SNX7: variants seen among roughly 807,000 people sequenced by gnomAD.
The protein encoded by SNX7 is sorting nexin-7.
Under a neutral mutation model 48.4 loss-of-function variants are expected in SNX7, and 35 were observed. The ratio of observed to expected loss-of-function variants is 0.72; its 90% CI spans 0.55 to 0.96. SNX7 has a LOEUF of 0.96. Ranked by LOEUF, SNX7 falls within the 40% of genes least tolerant of loss-of-function variation. SNX7 has a pLI of 0.00. For missense variants in SNX7, 553 were observed against 548.9 expected (o/e 1.01, Z -0.07); for synonymous variants, 190 against 190.2 (o/e 1.00, Z 0.01).
chr1:98,755,884 A>G (rs1052528842), intron 8 of SNX7, among the ~76,000 whole-genome samples: 3 of 152,054 alleles, frequency 2.0e-5, no homozygotes. Flanking sequence ...GGCAATCTGC[A>G]TCTTTTAATG....
chr1:98,681,119 A>G (rs2100932372), intron 1 of SNX7, among the ~76,000 whole-genome samples: 1 of 152,328 alleles, frequency 6.6e-6, no homozygotes, highest in South Asian at 2.1e-4. Flanking sequence ...AGCAAGGAGG[A>G]GTAAGTCACA....
At chr1:98,743,236 G>A (rs951426426) in intron 8 of SNX7, among the ~76,000 whole-genome samples, 1 of 151,870 alleles carries the variant, frequency 6.6e-6, no homozygotes, top group East Asian at 1.9e-4. Flanking sequence ...GGGGAGAGGT[G>A]ATCCAAATTC....
intron 1 of SNX7, among the ~76,000 whole-genome samples, chr1:98,664,078 A>G (rs535701959): frequency 2.0e-4 from 30 of 152,202 alleles, no homozygotes; most frequent in African/African-American, 6.7e-4. Flanking sequence ...AACAAACACC[A>G]CTGCTGTTCA....
rs143738586 is a variant in SNX7, at chr1:98,691,914, T to TATAC, written c.639+216_639+217insTACA. On this transcript the variant is annotated intron_variant, in intron 4 of 8. Coordinates refer to ENST00000306121, the MANE Select transcript of SNX7 (RefSeq NM_015976.5). ...AAATCTTGTATCTTCTCCATATATA[T>TATAC]ACACACACACACACACACACACACT... 4.0e-3 allele frequency among the ~76,000 whole-genome samples: 532 copies of TATAC among 133,454 alleles called. 3 individuals carry two copies. Among genetic ancestry groups the TATAC allele is most frequent in the Non-Finnish European group, 5.8e-3 (363 of 62,942 alleles). The allele number at this position is 133,454 out of a possible 152,430, so 87.6% of individuals were successfully genotyped here. A position where few individuals can be genotyped will look rare whatever the true frequency, so the allele number is the denominator to read the frequency against.
At chr1:98,684,050 C>T (rs1650648620) in intron 1 of SNX7, among the ~76,000 whole-genome samples, 1 of 152,138 alleles carries the variant, frequency 6.6e-6, no homozygotes, top group South Asian at 2.1e-4. Context: ...TTCTGCTCTG[C>T]CACAACCTTT....
At chr1:98,682,581 T>C (rs868532457) in intron 1 of SNX7, among the ~76,000 whole-genome samples, 17 of 152,192 alleles carry the variant, frequency 1.1e-4, no homozygotes, top group African/African-American at 2.2e-4. Context: ...TCTCTCAAAA[T>C]TTTGAAGACA....
At chr1:98,673,394 G>C (rs1229581932) in intron 1 of SNX7, among the ~76,000 whole-genome samples, 3 of 152,156 alleles carry the variant, frequency 2.0e-5, no homozygotes, top group Admixed American at 2.0e-4. Flanking sequence ...CAGCTCTATG[G>C]AAAGCATTCT....
intron 7 of SNX7, among the ~76,000 whole-genome samples, chr1:98,719,935 T>C (rs1652777157): frequency 6.7e-6 from 1 of 149,922 alleles, no homozygotes; most frequent in Non-Finnish European, 1.5e-5. Context: ...ATATTATATA[T>C]ATTATTCAAC....
chr1:98,731,240 GA>G (rs1334326026), intron 7 of SNX7, among the ~76,000 whole-genome samples: 7 of 150,218 alleles, frequency 4.7e-5, no homozygotes, highest in African/African-American at 1.7e-4. Flanking sequence ...AAAAGTATAA[GA>G]ATACTGTTTT....
chr1:98,742,507 G>A (rs1490875518), intron 8 of SNX7, among the ~76,000 whole-genome samples: 1 of 151,996 alleles, frequency 6.6e-6, no homozygotes, highest in Non-Finnish European at 1.5e-5. Context: ...TATGATAAAG[G>A]AATATAGTTT....
intron 7 of SNX7, among the ~76,000 whole-genome samples, chr1:98,724,704 C>T (rs1406204196): frequency 6.6e-6 from 1 of 151,886 alleles, no homozygotes; most frequent in Admixed American, 6.6e-5. Flanking sequence ...ACATGGGTGG[C>T]TCTTTCTTAG....
At chr1:98,730,195 G>T (rs1019743600) in intron 7 of SNX7, among the ~76,000 whole-genome samples, 1 of 151,744 alleles carries the variant, frequency 6.6e-6, no homozygotes, top group South Asian at 2.1e-4. Context: ...AAAGGCCTTC[G>T]ATAAAATTCA....
At chr1:98,688,466 C>T (rs1040104635) in intron 2 of SNX7, among the ~76,000 whole-genome samples, 1 of 152,162 alleles carries the variant, frequency 6.6e-6, no homozygotes, top group Non-Finnish European at 1.5e-5. Flanking sequence ...TACTTTCCTT[C>T]CACTTCCTCT....
chr1:98,728,876 CA>C (rs1653338062), intron 7 of SNX7, among the ~76,000 whole-genome samples: 2 of 152,078 alleles, frequency 1.3e-5, no homozygotes, highest in Admixed American at 1.3e-4. Flanking sequence ...TTCAGTATTA[CA>C]CAGATCATCA....
chr1:98,732,561 G>A (rs758225764), intron 7 of SNX7, among the ~76,000 whole-genome samples: 5 of 152,038 alleles, frequency 3.3e-5, no homozygotes, highest in African/African-American at 4.8e-5. Context: ...AGGAACAAAA[G>A]GAAAGGCAGC....
Position 98,715,430 on chromosome 1 carries a change from G to A in SNX7, c.1125+13527G>A, listed in dbSNP as rs544332179. 5.9e-5 allele frequency among the ~76,000 whole-genome samples: 9 copies of A among 152,220 alleles called. No individual in the cohort carries two copies. In the South Asian group the frequency reaches 6.2e-4, roughly 11 times the overall value. The stretch of plus-strand genomic sequence containing the variant: ...TTGATGACTGATTAAGGCAATGTCC[G>A]TCCAGCTTCTCCACTATAAAAGTCA... On this transcript the variant is annotated intron_variant, in intron 7 of 8. Transcript: ENST00000306121.
chr1:98,661,558 G>T (rs188076447), upstream of SNX7: 212 of 484,918 alleles, frequency 4.4e-4, no homozygotes, highest in East Asian at 0.01. Flanking sequence ...GGCCAGGTGG[G>T]GATGCGCCCG....
intron 1 of SNX7, among the ~76,000 whole-genome samples, chr1:98,681,948 T>G (rs1650513043): frequency 6.6e-6 from 1 of 151,846 alleles, no homozygotes. Flanking sequence ...AAGTAAAAGT[T>G]TTCTCATCCC....
At chr1:98,670,103 A>C (rs139817931) in intron 1 of SNX7, among the ~76,000 whole-genome samples, 199 of 152,344 alleles carry the variant, frequency 1.3e-3, no homozygotes, top group African/African-American at 4.7e-3. Context: ...TCAGGATACT[A>C]AACTACATAG....
Sources: allele counts gnomAD v4.1 joint callset (sites outside exome capture counted in the v4.1 genomes callset), GRCh38; gene constraint gnomAD v4.1.1; transcripts MANE v1.5; gene names NCBI Gene and HGNC (gene_info 2026-07-23, HGNC 2026-07-21).